Variants in CNTNAP2 observed in about 807,000 individuals in gnomAD.
CNTNAP2 encodes contactin associated protein 2, also known as contactin-associated protein-like 2.
CNTNAP2 carries 98 observed loss-of-function variants against 155.2 expected under a neutral mutation model. The ratio of observed to expected loss-of-function variants is 0.63; its 90% CI spans 0.54 to 0.75. The LOEUF (loss-of-function observed/expected upper bound fraction) is 0.75. Among genes scored for constraint, CNTNAP2 ranks in the 30% least tolerant of loss-of-function variants. The pLI is 0.00. For synonymous variants in CNTNAP2, 651 were observed against 631.2 expected (o/e 1.03, Z -0.47); for missense variants, 1,727 against 1,688.1 (o/e 1.02, Z -0.40).
intron 1 of CNTNAP2, among the ~76,000 whole-genome samples, chr7:146,380,446 GAGA>G (rs1795364937): frequency 6.6e-6 from 1 of 152,052 alleles, no homozygotes; most frequent in African/African-American, 2.4e-5. Flanking sequence ...TTTTAGAAAA[GAGA>G]AGAACAAAAT....
intron 15 of CNTNAP2, among the ~76,000 whole-genome samples, chr7:148,073,203 T>A (rs1397699964): frequency 6.6e-6 from 1 of 152,142 alleles, no homozygotes; most frequent in Non-Finnish European, 1.5e-5. Flanking sequence ...GCATAAAATA[T>A]GAGCTGGTAG....
chr7:147,580,056 A>C (rs546001507), intron 12 of CNTNAP2, among the ~76,000 whole-genome samples: 1 of 152,230 alleles, frequency 6.6e-6, no homozygotes, highest in Non-Finnish European at 1.5e-5. Context: ...ATAGTAAATT[A>C]TTCAACTGGA....
chr7:147,708,885 C>G (rs954564643), intron 13 of CNTNAP2, among the ~76,000 whole-genome samples: 2 of 152,100 alleles, frequency 1.3e-5, no homozygotes, highest in African/African-American at 4.8e-5. Flanking sequence ...GTAGCAGATG[C>G]CTCTAGTCAG....
intron 3 of CNTNAP2, among the ~76,000 whole-genome samples, chr7:147,017,303 C>A (rs935249312): frequency 2.0e-4 from 30 of 152,026 alleles, no homozygotes; most frequent in Middle Eastern, 3.4e-3. Context: ...TAACTACAGC[C>A]ATTTCTTAAA....
At chr7:147,527,015 C>CTTTTTTTTTTTTTTTTTTTTTTTT (rs888976222) in intron 11 of CNTNAP2, among the ~76,000 whole-genome samples, 3 of 65,178 alleles carry the variant, frequency 4.6e-5, no homozygotes, top group African/African-American at 1.6e-4. Context: ...ACAGGCATTT[C>CTTTTTTTTTTTTTTTTTTTTTTTT]TTTTTTTTTT....
At chr7:147,715,168 C>A (rs2888514) in intron 13 of CNTNAP2, among the ~76,000 whole-genome samples, 2,497 of 152,164 alleles carry the variant, frequency 0.016, 219 homozygotes, top group Admixed American at 0.15. Flanking sequence ...GAAATTAAGT[C>A]TTCCTTTATC....
At chr7:146,213,209 A>C (rs1023513910) in intron 1 of CNTNAP2, among the ~76,000 whole-genome samples, 3 of 152,198 alleles carry the variant, frequency 2.0e-5, no homozygotes, top group African/African-American at 7.2e-5. Flanking sequence ...ATTTCAATAC[A>C]TGTCCAATTC....
intron 1 of CNTNAP2, among the ~76,000 whole-genome samples, chr7:146,241,072 T>G (rs560472868): frequency 1.3e-5 from 2 of 152,218 alleles, no homozygotes; most frequent in South Asian, 4.1e-4. Flanking sequence ...CACTCAGTAT[T>G]GCCAAGATAG....
intron 1 of CNTNAP2, among the ~76,000 whole-genome samples, chr7:146,276,296 T>G (rs2129084121): frequency 6.6e-6 from 1 of 152,304 alleles, no homozygotes; most frequent in South Asian, 2.1e-4. Flanking sequence ...CTTATCACAA[T>G]GAAAACTGAT....
chr7:146,993,866 G>A (rs1273467782), intron 3 of CNTNAP2, among the ~76,000 whole-genome samples: 1 of 152,038 alleles, frequency 6.6e-6, no homozygotes, highest in African/African-American at 2.4e-5. Context: ...AAACAAAAAA[G>A]GCTTGCCTTT....
chr7:147,469,527 TTTTTTC>T (rs764045503), intron 10 of CNTNAP2, among the ~76,000 whole-genome samples: 19,415 of 98,702 alleles, frequency 0.2, 2,846 homozygotes, highest in African/African-American at 0.23. Flanking sequence ...TTTTTTTTTT[TTTTTTC>T]TGTGAGACAA....
At chr7:146,435,761 A>G (rs927865760) in intron 1 of CNTNAP2, among the ~76,000 whole-genome samples, 1 of 152,174 alleles carries the variant, frequency 6.6e-6, no homozygotes, top group Non-Finnish European at 1.5e-5. Context: ...TTTTATTTGG[A>G]CATATGTTGT....
At chr7:147,412,089 TAA>T (rs1797112959) in intron 10 of CNTNAP2, among the ~76,000 whole-genome samples, 1 of 152,200 alleles carries the variant, frequency 6.6e-6, no homozygotes, top group African/African-American at 2.4e-5. Flanking sequence ...AAGGATTTCA[TAA>T]GAGAGTGGCA....
chr7:147,347,251 T>C (rs1233459138), intron 9 of CNTNAP2, among the ~76,000 whole-genome samples: 1 of 151,788 alleles, frequency 6.6e-6, no homozygotes, highest in East Asian at 1.9e-4. Context: ...AGGGTAGTTG[T>C]AGGTCAATCT....
intron 17 of CNTNAP2, among the ~76,000 whole-genome samples, chr7:148,167,610 G>C (rs1459639838): frequency 1.3e-5 from 2 of 152,074 alleles, no homozygotes; most frequent in African/African-American, 4.8e-5. Flanking sequence ...AGGCCCAGAG[G>C]GAGAGCCTGT....
At chr7:147,505,407 G>A (rs1798889289) in intron 11 of CNTNAP2, among the ~76,000 whole-genome samples, 1 of 151,946 alleles carries the variant, frequency 6.6e-6, no homozygotes, top group Non-Finnish European at 1.5e-5. Context: ...AAAATAATGA[G>A]AATGATATCC....
intron 3 of CNTNAP2, among the ~76,000 whole-genome samples, chr7:146,978,951 A>G (rs990436505): frequency 6.6e-6 from 1 of 152,096 alleles, no homozygotes; most frequent in African/African-American, 2.4e-5. Context: ...AAAGTTTGAG[A>G]TTTTGAGTAA....
At chr7:146,355,879 T>G (rs1260958759) in intron 1 of CNTNAP2, among the ~76,000 whole-genome samples, 1 of 152,158 alleles carries the variant, frequency 6.6e-6, no homozygotes, top group Non-Finnish European at 1.5e-5. Flanking sequence ...TCTTAAGTAC[T>G]CTACATTTTG....
intron 8 of CNTNAP2, among the ~76,000 whole-genome samples, chr7:147,151,837 C>T (rs547777794): frequency 2.0e-5 from 3 of 152,096 alleles, no homozygotes; most frequent in Non-Finnish European, 4.4e-5. Flanking sequence ...TGAGCAGTTA[C>T]AAACACAGCA....
Sources: gnomAD v4.1 joint callset for allele counts (sites outside exome capture counted in the v4.1 genomes callset) on GRCh38, gnomAD v4.1.1 for gene constraint, MANE v1.5 for transcripts, NCBI Gene and HGNC (gene_info 2026-07-23, HGNC 2026-07-21) for gene names.